The following NMBR variants were observed in gnomAD, a reference collection of about 807,000 sequenced individuals.
NMBR encodes the protein neuromedin B receptor, also known as neuromedin-B receptor.
In NMBR, 16 loss-of-function variants were observed where a neutral mutation model predicts 20.5. That is an observed-to-expected ratio of 0.78 (90% CI 0.53 to 1.19). The LOEUF (loss-of-function observed/expected upper bound fraction) is 1.19. Among genes scored for constraint, NMBR ranks in the 50% most tolerant of loss-of-function variants. The pLI, the probability that NMBR is intolerant of heterozygous loss-of-function variation, is 0.00. For synonymous variants in NMBR, 212 were observed against 196.6 expected (o/e 1.08, Z -0.65); for missense variants, 582 against 499.1 (o/e 1.17, Z -1.58).
chr6:142,090,467 T>C (rs1428763159), intron 1 of NMBR, among the ~76,000 whole-genome samples: 1 of 151,832 alleles, frequency 6.6e-6, no homozygotes, highest in African/African-American at 2.4e-5. Context: ...GTTTTCTAAC[T>C]CAAAAGTCCT....
chr6:142,133,880 C>T, intron 1 of NMBR: 1 of 700,886 alleles, frequency 1.4e-6, no homozygotes, highest in Non-Finnish European at 2.6e-6. Context: ...TGGTCAATTC[C>T]ACACCCTTTT....
At chr6:142,082,522 C>A (rs1432203610) in intron 2 of NMBR, among the ~76,000 whole-genome samples, 2 of 152,184 alleles carry the variant, frequency 1.3e-5, no homozygotes, top group Non-Finnish European at 2.9e-5. Flanking sequence ...TATGATTAGG[C>A]TTCTCTGTAG....
intron 1 of NMBR, among the ~76,000 whole-genome samples, chr6:142,096,460 GT>G (rs1432791914): frequency 6.6e-6 from 1 of 152,146 alleles, no homozygotes; most frequent in African/African-American, 2.4e-5. Flanking sequence ...TAGTTGTTCA[GT>G]TTCCATGTAG....
intron 1 of NMBR, among the ~76,000 whole-genome samples, chr6:142,095,589 C>T (rs1020570615): frequency 2.6e-5 from 4 of 152,048 alleles, no homozygotes; most frequent in African/African-American, 4.8e-5. Context: ...ATTGATGTTC[C>T]TCAGGGATAT....
At chr6:142,096,704 C>T (rs1208004288) in intron 1 of NMBR, among the ~76,000 whole-genome samples, 33 of 151,914 alleles carry the variant, frequency 2.2e-4, no homozygotes, top group Middle Eastern at 3.4e-3. Flanking sequence ...GGTGCAGAGC[C>T]GAGTTCAATT....
At chr6:142,100,956 A>T (rs750509981) in intron 1 of NMBR, among the ~76,000 whole-genome samples, 8 of 152,226 alleles carry the variant, frequency 5.3e-5, no homozygotes, top group Admixed American at 2.0e-4. Flanking sequence ...TTAAAAGAGA[A>T]TTATTAGCCA....
intron 1 of NMBR, among the ~76,000 whole-genome samples, chr6:142,100,204 C>T (rs575186834): frequency 9.2e-5 from 14 of 152,300 alleles, no homozygotes; most frequent in African/African-American, 2.6e-4. Flanking sequence ...CCATCACACT[C>T]CTTCCTGTTT....
rs1562390303 is a variant in NMBR at position 142,079,150 on chromosome 6, G to GAAAGAAAGAAAGAAAA, written c.423-248_423-247insTTTTCTTTCTTTCTTT. ...AGAAGAAAGAAAGAAAGAAAAAGAA[G>GAAAGAAAGAAAGAAAA]AGAGGAGAGGAGAGGAAAGGAAAGG... On this transcript the variant is annotated intron_variant, in intron 2 of 3. Coordinates refer to ENST00000258042, the MANE Select transcript of NMBR (RefSeq NM_002511.4). 3.4e-4 allele frequency among the ~76,000 whole-genome samples: 26 copies of GAAAGAAAGAAAGAAAA among 77,024 alleles called. 1 individual carries two copies. The highest frequency in any genetic ancestry group is 1.7e-3 in the Admixed American group (13 of 7,586). The allele number at this position is 77,024 out of a possible 152,430, so 50.5% of individuals were successfully genotyped here.
chr6:142,094,014 A>C (rs1031427404), intron 1 of NMBR, among the ~76,000 whole-genome samples: 6 of 150,696 alleles, frequency 4.0e-5, no homozygotes, highest in African/African-American at 1.2e-4. Flanking sequence ...TTTTTCTTGT[A>C]AATTTGTTTG....
At chr6:142,122,656 A>T (rs1024506649) in intron 1 of NMBR, among the ~76,000 whole-genome samples, 4 of 151,934 alleles carry the variant, frequency 2.6e-5, no homozygotes, top group African/African-American at 4.8e-5. Flanking sequence ...TTGGTAACTT[A>T]AAGTTGGAGC....
intron 1 of NMBR, among the ~76,000 whole-genome samples, 160 bp from the exon 2 acceptor site, chr6:142,089,481 G>A (rs1777280050): frequency 6.6e-6 from 1 of 152,008 alleles, no homozygotes; most frequent in East Asian, 1.9e-4. Context: ...ATATTTTATT[G>A]AATTATAACG....
At chr6:142,079,110 G>GAGAGAGAGAGAAAGAAAGAA (rs796074673) in intron 2 of NMBR, among the ~76,000 whole-genome samples, 1 of 69,254 alleles carries the variant, frequency 1.4e-5, no homozygotes, top group Non-Finnish European at 2.4e-5. Flanking sequence ...GAGAGAGAAA[G>GAGAGAGAGAGAAAGAAAGAA]AAAGAAAGAA....
At chr6:142,119,696 C>T (rs1166638087) in intron 1 of NMBR, among the ~76,000 whole-genome samples, 1 of 151,866 alleles carries the variant, frequency 6.6e-6, no homozygotes, top group Non-Finnish European at 1.5e-5. Flanking sequence ...TTTACTGTTA[C>T]AGACGGAAAA....
At chr6:142,078,924 A>G (rs187074934) in intron 2 of NMBR, 21 bp from the exon 3 acceptor site, 476 of 1,438,246 alleles carry the variant, frequency 3.3e-4, no homozygotes, top group Admixed American at 1.1e-3. Flanking sequence ...GATACATCTC[A>G]AGTTATTCCA....
intron 1 of NMBR, chr6:142,133,126 C>A: frequency 1.5e-6 from 1 of 650,686 alleles, no homozygotes. Flanking sequence ...AAGAATTAAC[C>A]AACAGGAATG....
At chr6:142,139,499 T>C (rs1219582071) in intron 1 of NMBR, among the ~76,000 whole-genome samples, 1 of 152,240 alleles carries the variant, frequency 6.6e-6, no homozygotes, top group African/African-American at 2.4e-5. Context: ...TGCAGATCTC[T>C]GGAGCTCTCT....
intron 1 of NMBR, among the ~76,000 whole-genome samples, chr6:142,112,587 T>C (rs1269862323): frequency 1.3e-5 from 2 of 152,178 alleles, no homozygotes; most frequent in East Asian, 1.9e-4. Flanking sequence ...CTAAACTCAG[T>C]AATAAATCCT....
At chr6:142,094,144 C>T (rs1777395100) in intron 1 of NMBR, among the ~76,000 whole-genome samples, 1 of 152,014 alleles carries the variant, frequency 6.6e-6, no homozygotes. Context: ...TGCCGAAGCT[C>T]TTTAGTTTAA....
At chr6:142,119,670 T>C (rs914503068) in intron 1 of NMBR, among the ~76,000 whole-genome samples, 1 of 151,974 alleles carries the variant, frequency 6.6e-6, no homozygotes, top group African/African-American at 2.4e-5. Context: ...ACGGGAACCC[T>C]ATGAGGTGTT....
Sources: gnomAD v4.1 joint callset for allele counts (sites outside exome capture counted in the v4.1 genomes callset) on GRCh38, gnomAD v4.1.1 for gene constraint, MANE v1.5 for transcripts, NCBI Gene and HGNC (gene_info 2026-07-23, HGNC 2026-07-21) for gene names.